Variants in PPP2R2B observed in about 807,000 individuals in gnomAD.
PPP2R2B encodes the protein serine/threonine-protein phosphatase 2A 55 kDa regulatory subunit B beta isoform.
A neutral mutation model predicts 46.0 loss-of-function variants in PPP2R2B; 5 were observed. That is an observed-to-expected ratio of 0.11 (90% CI 0.06 to 0.23). The LOEUF (loss-of-function observed/expected upper bound fraction) is 0.23, where lower values mean the gene tolerates loss of function less well. Among genes scored for constraint, PPP2R2B ranks in the 10% least tolerant of loss-of-function variants. The pLI is 1.00. For synonymous variants in PPP2R2B, 215 were observed against 206.7 expected, an observed-to-expected ratio of 1.04 and a Z score of -0.34; for missense variants, 367 against 575.0, an observed-to-expected ratio of 0.64 and a Z score of 3.70.
At chr5:147,079,594 C>T (rs528611192) in intron 2 of PPP2R2B, among the ~76,000 whole-genome samples, 1 of 151,690 alleles carries the variant, frequency 6.6e-6, no homozygotes, top group South Asian at 2.1e-4. Context: ...CAGGCACAGA[C>T]AGACAAATAC....
chr5:146,852,233 T>C (rs1374598738), intron 2 of PPP2R2B, among the ~76,000 whole-genome samples: 1 of 152,066 alleles, frequency 6.6e-6, no homozygotes. Flanking sequence ...AGTCCCTAAA[T>C]GCCACAGCTC....
intron 2 of PPP2R2B, among the ~76,000 whole-genome samples, chr5:146,742,579 G>T (rs1057059441): frequency 6.6e-6 from 1 of 152,112 alleles, no homozygotes; most frequent in African/African-American, 2.4e-5. Context: ...GCAGGGTAGA[G>T]AATAGATTTA....
intron 2 of PPP2R2B, among the ~76,000 whole-genome samples, chr5:146,719,993 C>A (rs114221907): frequency 2.6e-5 from 4 of 151,982 alleles, no homozygotes; most frequent in Non-Finnish European, 5.9e-5. Context: ...TCCTAGTGTA[C>A]CCCCAGCCTT....
At chr5:146,745,258 G>T (rs1234703002) in intron 2 of PPP2R2B, among the ~76,000 whole-genome samples, 2 of 151,874 alleles carry the variant, frequency 1.3e-5, no homozygotes, top group Non-Finnish European at 2.9e-5. Flanking sequence ...CAGCCAGTGG[G>T]CCTGAGTTCT....
chr5:146,871,056 C>T (rs374365804), intron 2 of PPP2R2B, among the ~76,000 whole-genome samples: 23 of 152,134 alleles, frequency 1.5e-4, no homozygotes, highest in East Asian at 5.8e-4. Flanking sequence ...GTGCTTTCTG[C>T]GAGATAGTTA....
At chr5:146,723,185 T>C (rs2151196393) in intron 2 of PPP2R2B, among the ~76,000 whole-genome samples, 1 of 152,342 alleles carries the variant, frequency 6.6e-6, no homozygotes, top group East Asian at 1.9e-4. Context: ...ATTCCCAGTG[T>C]ATGGGTATGG....
intron 2 of PPP2R2B, among the ~76,000 whole-genome samples, chr5:146,864,781 G>C (rs978444452): frequency 6.6e-6 from 1 of 152,088 alleles, no homozygotes; most frequent in Non-Finnish European, 1.5e-5. Context: ...TTCAATGGCT[G>C]TATCTTTAAG....
chr5:147,025,431 C>T (rs531331028), intron 1 of PPP2R2B, among the ~76,000 whole-genome samples: 69 of 151,594 alleles, frequency 4.6e-4, no homozygotes, highest in Non-Finnish European at 8.0e-4. Flanking sequence ...AAGCATTACC[C>T]CAACGCTAAA....
At chr5:146,859,855 T>C (rs530256604) in intron 2 of PPP2R2B, among the ~76,000 whole-genome samples, 23 of 152,194 alleles carry the variant, frequency 1.5e-4, no homozygotes, top group African/African-American at 5.5e-4. Flanking sequence ...GTGGCCTATG[T>C]ATAGATTAGA....
intron 2 of PPP2R2B, among the ~76,000 whole-genome samples, chr5:146,831,897 A>T (rs950501547): frequency 6.6e-6 from 1 of 152,202 alleles, no homozygotes; most frequent in Admixed American, 6.5e-5. Context: ...ATTGCCTTTG[A>T]AGGCCTTCCA....
At chr5:147,009,586 T>C (rs2151876224) in intron 1 of PPP2R2B, among the ~76,000 whole-genome samples, 1 of 152,150 alleles carries the variant, frequency 6.6e-6, no homozygotes, top group Admixed American at 6.6e-5. Context: ...ACATCCTACT[T>C]TTACATCTAG....
intron 2 of PPP2R2B, among the ~76,000 whole-genome samples, chr5:146,869,884 A>G (rs1015175497): frequency 2.0e-5 from 3 of 152,216 alleles, no homozygotes; most frequent in African/African-American, 4.8e-5. Flanking sequence ...ACAAAGCTAC[A>G]TAAGCAATGT....
chr5:146,888,373 G>T (rs1762394226), intron 1 of PPP2R2B, among the ~76,000 whole-genome samples: 1 of 151,668 alleles, frequency 6.6e-6, no homozygotes, highest in African/African-American at 2.4e-5. Context: ...TTTCAATCCT[G>T]CCTGCTCTAA....
At chr5:147,059,680 T>A (rs1249033194), upstream of PPP2R2B, among the ~76,000 whole-genome samples, 1 of 152,328 alleles carries the variant, frequency 6.6e-6, no homozygotes, top group East Asian at 1.9e-4. Flanking sequence ...CTCCAGATGA[T>A]TTCCGCATGT....
rs1458629554 is a variant in PPP2R2B, at chr5:146,584,700, C to T, written c.*5247G>A. 1.3e-5 allele frequency: 2 copies of T among 152,176 alleles called. No homozygotes were observed. Among genetic ancestry groups the T allele is most frequent in the Non-Finnish European group, 2.9e-5 (2 of 68,024 alleles). The allele number at this position is 152,176 out of a possible 1,614,324, so 9.4% of individuals were successfully genotyped here. On this transcript the variant is annotated 3_prime_UTR_variant, in exon 10 of 10. Transcript: ENST00000394411. ...AAATATTGGTTTCCTTTTATTCTTT[C>T]CGTCTACTTTACACTTAAATACAGT...
chr5:146,588,093 A>G lies in PPP2R2B; in HGVS notation c.*1854T>C, dbSNP rs988804627. On this transcript the variant is annotated 3_prime_UTR_variant, in exon 10 of 10. Transcript: ENST00000394411. ...CTCCAAGAACACTGTCCCAGTCAGG[A>G]CAGAAATCTTGCCCAGAGAGTTTAC... The G allele has an allele frequency of 4.2e-5, 5 of 118,172 alleles. No individual in the cohort carries two copies. In the Admixed American group the frequency reaches 4.7e-4, roughly 11 times the overall value. 7.3% of individuals were successfully genotyped at this position (118,172 alleles called of 1,614,324 possible).
chr5:146,683,038 A>G (rs547065177), intron 5 of PPP2R2B, among the ~76,000 whole-genome samples: 2 of 152,282 alleles, frequency 1.3e-5, no homozygotes, highest in Admixed American at 1.3e-4. Context: ...ATGGCCAAGA[A>G]TATGGCCGAG....
intron 2 of PPP2R2B, among the ~76,000 whole-genome samples, chr5:146,862,862 A>AC: frequency 6.8e-6 from 1 of 147,370 alleles, no homozygotes; most frequent in East Asian, 1.9e-4. Context: ...GTAATTGGAA[A>AC]AAAAAAAAAA....
chr5:146,849,308 T>C (rs967291185), intron 2 of PPP2R2B, among the ~76,000 whole-genome samples: 16 of 152,348 alleles, frequency 1.1e-4, no homozygotes, highest in Admixed American at 7.8e-4. Flanking sequence ...TGTGAATATA[T>C]AAAGTTAAGC....
Sources: allele counts gnomAD v4.1 joint callset (sites outside exome capture counted in the v4.1 genomes callset), GRCh38; gene constraint gnomAD v4.1.1; transcripts MANE v1.5; gene names NCBI Gene and HGNC (gene_info 2026-07-23, HGNC 2026-07-21).